PICALM: variants seen among roughly 807,000 people sequenced by gnomAD.
The protein encoded by PICALM is phosphatidylinositol-binding clathrin assembly protein.
A neutral mutation model predicts 80.5 loss-of-function variants in PICALM; 40 were observed. The ratio of observed to expected loss-of-function variants is 0.50; its 90% CI spans 0.39 to 0.65. The LOEUF is 0.65. Among genes scored for constraint, PICALM ranks in the 30% least tolerant of loss-of-function variants. The pLI is 0.00. For synonymous variants in PICALM, 288 were observed against 260.3 expected (o/e 1.11, Z -1.02); for missense variants, 676 against 778.9 (o/e 0.87, Z 1.57).
chr11:86,033,097 T>TGGAAATG (rs2095787135), intron 1 of PICALM, among the ~76,000 whole-genome samples: 1 of 152,192 alleles, frequency 6.6e-6, no homozygotes, highest in African/African-American at 2.4e-5. Flanking sequence ...TATGCATGCT[T>TGGAAATG]CAACTTCTGA....
intron 12 of PICALM, among the ~76,000 whole-genome samples, chr11:85,990,915 T>C (rs981374728): frequency 5.9e-5 from 9 of 151,952 alleles, no homozygotes; most frequent in Non-Finnish European, 1.3e-4. Flanking sequence ...AAGAAAAAAA[T>C]CTAAGGATGG....
At chr11:86,065,197 C>A (rs1043388465) in intron 1 of PICALM, among the ~76,000 whole-genome samples, 4 of 152,110 alleles carry the variant, frequency 2.6e-5, no homozygotes, top group Admixed American at 2.0e-4. Context: ...TCTGTAATCC[C>A]AGCCCTTTGG....
chr11:86,021,944 A>T lies in PICALM; in HGVS notation c.452+423T>A, dbSNP rs371137669. ...GGTCACATATTGTATAATTTCATTTATATGAAATGTTCAGAATAGACAAGC... is the reference window on the plus strand; with the variant it reads ...GGTCACATATTGTATAATTTCATTTTTATGAAATGTTCAGAATAGACAAGC... On this transcript the variant is annotated intron_variant, in intron 4 of 19. Coordinates refer to ENST00000393346, the MANE Select transcript of PICALM (RefSeq NM_007166.4). Among the ~76,000 whole-genome samples the T allele has an allele frequency of 3.3e-5, 5 of 152,228 alleles. No individual in the cohort carries two copies. The South Asian group carries it at 8.3e-4, about 25-fold the overall frequency.
intron 6 of PICALM, among the ~76,000 whole-genome samples, chr11:86,011,957 T>C (rs1220919980): frequency 1.3e-5 from 2 of 151,634 alleles, no homozygotes; most frequent in Non-Finnish European, 2.9e-5. Flanking sequence ...TTCAAGCAAT[T>C]CTCCTGCCTC....
intron 1 of PICALM, among the ~76,000 whole-genome samples, chr11:86,044,327 C>A (rs2137128917): frequency 6.6e-6 from 1 of 152,278 alleles, no homozygotes; most frequent in South Asian, 2.1e-4. Flanking sequence ...AACTGACCAT[C>A]ATGATCAACT....
Position 85,974,827 on chromosome 11 carries a change from A to G in PICALM, c.1840-15T>C. On this transcript the variant is annotated splice_polypyrimidine_tract_variant and intron_variant, in intron 18 of 19. Coordinates refer to ENST00000393346, the MANE Select transcript of PICALM (RefSeq NM_007166.4). The stretch of plus-strand genomic sequence containing the variant: ...ATTTGTGGAGGCTAAAAAAGAGAAA[A>G]ATATCAAAAGATACTGACTCCTATC... 1 of 1,535,790 alleles carries G rather than the reference A, an allele frequency of 6.5e-7. No individual in the cohort carries two copies. The highest frequency in any genetic ancestry group is 9.0e-7 in the Non-Finnish European group (1 of 1,108,672).
At chr11:86,006,878 G>C (rs777803638) in intron 8 of PICALM, among the ~76,000 whole-genome samples, 15 of 152,072 alleles carry the variant, frequency 9.9e-5, no homozygotes, top group Non-Finnish European at 1.9e-4. Context: ...TATTAAAATA[G>C]CAAACATTAG....
chr11:85,995,525 C>G (rs1186496164), intron 12 of PICALM, among the ~76,000 whole-genome samples: 2 of 152,068 alleles, frequency 1.3e-5, no homozygotes, highest in Non-Finnish European at 2.9e-5. Flanking sequence ...TACATGGTGT[C>G]CAGACAAAAC....
intron 1 of PICALM, among the ~76,000 whole-genome samples, chr11:86,045,198 A>T (rs978649537): frequency 2.0e-5 from 3 of 152,204 alleles, no homozygotes; most frequent in African/African-American, 7.2e-5. Context: ...ATAAAGCCAG[A>T]GTTATTTTTC....
chr11:86,066,102 G>C (rs2096444031), intron 1 of PICALM, among the ~76,000 whole-genome samples: 1 of 152,146 alleles, frequency 6.6e-6, no homozygotes, highest in African/African-American at 2.4e-5. Context: ...TGAAATGACA[G>C]GTTTCTGTAT....
At chr11:86,055,540 A>G (rs9804630) in intron 1 of PICALM, among the ~76,000 whole-genome samples, 123,905 of 152,180 alleles carry the variant, frequency 0.81, 50,644 homozygotes, top group African/African-American at 0.88. Flanking sequence ...ACCAAACTAT[A>G]CCCAGTAGTC....
At chr11:85,979,529 C>T (rs1384286042) in intron 17 of PICALM, among the ~76,000 whole-genome samples, 9 of 151,398 alleles carry the variant, frequency 5.9e-5, no homozygotes, top group Admixed American at 5.9e-4. Context: ...TTAGTGATGG[C>T]AATGAACACT....
intron 1 of PICALM, among the ~76,000 whole-genome samples, chr11:86,043,648 T>G (rs2096014919): frequency 6.6e-6 from 1 of 152,218 alleles, no homozygotes; most frequent in South Asian, 2.1e-4. Context: ...TGTGTTCATA[T>G]GACAGCATAA....
rs971056398 is a variant in PICALM, at chr11:86,069,047, G to C, written c.-267C>G. On this transcript the variant is annotated 5_prime_UTR_variant, in exon 1 of 20. Coordinates refer to ENST00000393346, the MANE Select transcript of PICALM (RefSeq NM_007166.4). Reference sequence around the variant, plus strand: ...CCCCTTCCCGGGTCAGCTGGAGCCGGGCAGGGTAAGAGGAACAGGCAGCTG... The same window carrying C: ...CCCCTTCCCGGGTCAGCTGGAGCCGCGCAGGGTAAGAGGAACAGGCAGCTG... The C allele has an allele frequency of 4.5e-6, 2 of 443,644 alleles. No individual in the cohort carries two copies. Among genetic ancestry groups the C allele is most frequent in the African/African-American group, 4.1e-5 (2 of 49,060 alleles). 27.5% of individuals were successfully genotyped at this position (443,644 alleles called of 1,614,324 possible). A position where few individuals can be genotyped will look rare whatever the true frequency, so the allele number is the denominator to read the frequency against.
intron 12 of PICALM, among the ~76,000 whole-genome samples, chr11:85,992,442 G>A (rs1306358436): frequency 1.3e-5 from 2 of 151,810 alleles, no homozygotes; most frequent in South Asian, 2.1e-4. Flanking sequence ...GTGCCACCAC[G>A]CTCAGCTCAT....
Position 85,981,869 on chromosome 11 carries a change from T to C in PICALM, c.1648+3A>G, listed in dbSNP as rs763338957. On this transcript the variant is annotated splice_donor_region_variant and intron_variant, in intron 15 of 19. Transcript: ENST00000393346. ...AAGATTAACGTATCCAAAGACTACT[T>C]ACTGCCCACAAGGTTGGCTAAAGAT... is the stretch of plus-strand genomic sequence containing the variant. The C allele has an allele frequency of 1.4e-5, 23 of 1,613,608 alleles. No homozygotes were observed. The highest frequency in any genetic ancestry group is 1.9e-5 in the Non-Finnish European group (22 of 1,179,520).
intron 1 of PICALM, among the ~76,000 whole-genome samples, chr11:86,057,758 T>C (rs999616605): frequency 6.6e-6 from 1 of 152,196 alleles, no homozygotes; most frequent in Non-Finnish European, 1.5e-5. Flanking sequence ...CAACTGTTTA[T>C]GTAGCACTTA....
chr11:85,973,615 T>C (rs1171250469), intron 19 of PICALM, among the ~76,000 whole-genome samples: 2 of 152,104 alleles, frequency 1.3e-5, no homozygotes, highest in Non-Finnish European at 2.9e-5. Context: ...TTTTCAGGCA[T>C]CCACTGTGGG....
chr11:85,984,753 A>G (rs2094530309), intron 13 of PICALM, among the ~76,000 whole-genome samples: 1 of 152,186 alleles, frequency 6.6e-6, no homozygotes, highest in Non-Finnish European at 1.5e-5. Context: ...TTACACAGAC[A>G]ATAAGCTCAC....
Sources: gnomAD v4.1 joint callset for allele counts (sites outside exome capture counted in the v4.1 genomes callset) on GRCh38, gnomAD v4.1.1 for gene constraint, MANE v1.5 for transcripts, NCBI Gene and HGNC (gene_info 2026-07-23, HGNC 2026-07-21) for gene names.